Variants in LRRTM3 observed in about 807,000 individuals in gnomAD.
The protein encoded by LRRTM3 is leucine rich repeat transmembrane neuronal 3.
LRRTM3 carries 24 observed loss-of-function variants against 44.7 expected under a neutral mutation model. The ratio of observed to expected loss-of-function variants is 0.54; its 90% confidence interval spans 0.39 to 0.76. The LOEUF is 0.76. Among genes scored for constraint, LRRTM3 ranks in the 30% least tolerant of loss-of-function variants. The pLI is 0.00. For synonymous variants in LRRTM3, 277 were observed against 278.7 expected (o/e 0.99, Z 0.06); for missense variants, 587 against 702.2 (o/e 0.84, Z 1.85).
intron 2 of LRRTM3, among the ~76,000 whole-genome samples, chr10:67,003,017 A>T (rs1350009453): frequency 2.6e-5 from 4 of 152,174 alleles, no homozygotes; most frequent in Non-Finnish European, 1.5e-5. Flanking sequence ...CACGGTAATT[A>T]TGATACTATT....
chr10:66,972,080 G>A (rs1849752887), intron 2 of LRRTM3, among the ~76,000 whole-genome samples: 1 of 152,036 alleles, frequency 6.6e-6, no homozygotes, highest in Admixed American at 6.6e-5. Flanking sequence ...ACTCCACTGA[G>A]CTTTTAAGCT....
intron 2 of LRRTM3, among the ~76,000 whole-genome samples, chr10:67,024,488 A>G (rs1344539632): frequency 6.6e-6 from 1 of 152,210 alleles, no homozygotes; most frequent in Non-Finnish European, 1.5e-5. Context: ...GTGATTAGGA[A>G]GTAAACATCT....
chr10:66,948,840 A>G (rs1848399398), intron 2 of LRRTM3, among the ~76,000 whole-genome samples: 1 of 152,218 alleles, frequency 6.6e-6, no homozygotes. Flanking sequence ...AAGCAGTCCA[A>G]TATAATACTT....
chr10:67,096,594 C>T (rs1399306092), intron 2 of LRRTM3, among the ~76,000 whole-genome samples: 1 of 151,828 alleles, frequency 6.6e-6, no homozygotes, highest in African/African-American at 2.4e-5. Flanking sequence ...TGAAATCTGC[C>T]TACTTTTTAG....
chr10:66,953,775 A>G (rs1010683375), intron 2 of LRRTM3, among the ~76,000 whole-genome samples: 3 of 151,404 alleles, frequency 2.0e-5, no homozygotes, highest in African/African-American at 4.8e-5. Flanking sequence ...ATTAGATGAT[A>G]TAAGTTTTAT....
chr10:66,964,593 AAAC>A (rs1250609580), intron 2 of LRRTM3, among the ~76,000 whole-genome samples: 1 of 152,200 alleles, frequency 6.6e-6, no homozygotes, highest in Non-Finnish European at 1.5e-5. Flanking sequence ...CATGACATTT[AAAC>A]AATAAATGTA....
chr10:67,039,858 T>C (rs1370516406), intron 2 of LRRTM3, among the ~76,000 whole-genome samples: 3 of 152,166 alleles, frequency 2.0e-5, no homozygotes, highest in Admixed American at 6.5e-5. Context: ...TCCAAGACCG[T>C]TACAGATTAA....
chr10:67,080,602 G>C (rs2131877911), intron 2 of LRRTM3, among the ~76,000 whole-genome samples: 1 of 152,110 alleles, frequency 6.6e-6, no homozygotes, highest in East Asian at 1.9e-4. Context: ...TCATCTTATA[G>C]ATGTGCATAG....
intron 2 of LRRTM3, among the ~76,000 whole-genome samples, chr10:66,954,671 A>G (rs1848700253): frequency 6.6e-6 from 1 of 152,206 alleles, no homozygotes; most frequent in Non-Finnish European, 1.5e-5. Context: ...TTTGGATTAA[A>G]ATCCAATGTG....
At chr10:67,097,295 T>C (rs1858059227) in intron 2 of LRRTM3, among the ~76,000 whole-genome samples, 1 of 151,934 alleles carries the variant, frequency 6.6e-6, no homozygotes, top group African/African-American at 2.4e-5. Context: ...GCGAAAGCAA[T>C]TTTCTGACTG....
intron 2 of LRRTM3, among the ~76,000 whole-genome samples, chr10:66,999,669 C>T (rs926390957): frequency 6.6e-6 from 1 of 152,036 alleles, no homozygotes; most frequent in Admixed American, 6.6e-5. Context: ...ATGAAATAGG[C>T]CTTAACTTAG....
At chr10:67,085,098 A>G (rs1350085996) in intron 2 of LRRTM3, among the ~76,000 whole-genome samples, 2 of 152,000 alleles carry the variant, frequency 1.3e-5, no homozygotes, top group Non-Finnish European at 2.9e-5. Context: ...TGCATTCAAT[A>G]TCTACTTTGA....
chr10:66,930,366 C>A lies in LRRTM3; in HGVS notation c.1536+1914C>A, dbSNP rs552297076. The stretch of plus-strand genomic sequence containing the variant: ...AATGCAGATACTTCCTCACAGCTTA[C>A]TGGATGACTGAGCTTATTGTGATTT... On this transcript the variant is annotated intron_variant, in intron 2 of 2. Transcript: ENST00000361320. Among the ~76,000 whole-genome samples, 4 of 152,276 alleles carry A rather than the reference C, an allele frequency of 2.6e-5. No individual in the cohort carries two copies. In the South Asian group the frequency reaches 8.3e-4, roughly 32 times the overall value.
At chr10:67,074,376 A>G (rs1589700193) in intron 2 of LRRTM3, among the ~76,000 whole-genome samples, 1 of 92,418 alleles carries the variant, frequency 1.1e-5, no homozygotes, top group Non-Finnish European at 1.9e-5. Context: ...TTTGAGACGG[A>G]GTCTCGCTCT....
chr10:67,040,249 G>C (rs1208770454), intron 2 of LRRTM3, among the ~76,000 whole-genome samples: 2 of 152,086 alleles, frequency 1.3e-5, no homozygotes, highest in African/African-American at 4.8e-5. Flanking sequence ...GTCTACATGT[G>C]ATCCTAAGGG....
intron 2 of LRRTM3, among the ~76,000 whole-genome samples, chr10:67,026,868 C>T (rs568659936): frequency 6.6e-6 from 1 of 152,266 alleles, no homozygotes; most frequent in African/African-American, 2.4e-5. Context: ...TTATTTTCCT[C>T]ATATATCTCC....
intron 2 of LRRTM3, among the ~76,000 whole-genome samples, chr10:67,083,253 C>A (rs1383393087): frequency 6.6e-6 from 1 of 152,126 alleles, no homozygotes; most frequent in Non-Finnish European, 1.5e-5. Flanking sequence ...AGGCTTAGCA[C>A]CATAACACAA....
intron 2 of LRRTM3, among the ~76,000 whole-genome samples, chr10:66,997,885 G>A (rs1467446378): frequency 6.6e-6 from 1 of 152,012 alleles, no homozygotes; most frequent in Non-Finnish European, 1.5e-5. Flanking sequence ...ACTCCTAATT[G>A]GTGATTAAGA....
At chr10:67,064,897 T>C (rs1178125415) in intron 2 of LRRTM3, among the ~76,000 whole-genome samples, 1 of 152,160 alleles carries the variant, frequency 6.6e-6, no homozygotes, top group Admixed American at 6.5e-5. Context: ...AAGCTAGTTC[T>C]GAGGAGAAAA....
Sources: allele counts gnomAD v4.1 joint callset (sites outside exome capture counted in the v4.1 genomes callset), GRCh38; gene constraint gnomAD v4.1.1; transcripts MANE v1.5; gene names NCBI Gene and HGNC (gene_info 2026-07-23, HGNC 2026-07-21).